Variants in ME1 observed in about 807,000 individuals in gnomAD.
The protein encoded by ME1 is malic enzyme 1, also known as NADP-dependent malic enzyme.
A neutral mutation model predicts 66.4 loss-of-function variants in ME1; 74 were observed. The ratio of observed to expected loss-of-function variants is 1.11; its 90% CI spans 0.92 to 1.35. The LOEUF (loss-of-function observed/expected upper bound fraction) is 1.35. Ranked by LOEUF, ME1 falls within the 40% of genes most tolerant of loss-of-function variation. The probability of loss-of-function intolerance (pLI) is 0.00; values close to 1 mark genes in which losing one functional copy is unlikely to be tolerated. For synonymous variants in ME1, 251 were observed against 235.6 expected (o/e 1.07, Z -0.60); for missense variants, 750 against 694.1 (o/e 1.08, Z -0.90).
chr6:83,316,651 T>C (rs1768036530), intron 5 of ME1, among the ~76,000 whole-genome samples: 2 of 151,748 alleles, frequency 1.3e-5, no homozygotes, highest in South Asian at 4.2e-4. Flanking sequence ...ACACATATAA[T>C]TGTGTACATA....
intron 6 of ME1, among the ~76,000 whole-genome samples, chr6:83,284,573 T>C (rs1767362631): frequency 6.6e-6 from 1 of 151,886 alleles, no homozygotes; most frequent in Admixed American, 6.6e-5. Context: ...ATTCTTGGAA[T>C]ACATAAACAG....
chr6:83,409,737 C>G (rs760443292), intron 1 of ME1, among the ~76,000 whole-genome samples: 23 of 152,148 alleles, frequency 1.5e-4, no homozygotes, highest in Non-Finnish European at 3.2e-4. Flanking sequence ...ATCTTCAGCG[C>G]AAGAAGCAGT....
intron 6 of ME1, among the ~76,000 whole-genome samples, chr6:83,309,616 A>G (rs1767893308): frequency 6.6e-6 from 1 of 152,120 alleles, no homozygotes. Flanking sequence ...TGTGAAGTGG[A>G]GTTTTACCAC....
At chr6:83,340,660 A>T (rs1768561937) in intron 5 of ME1, among the ~76,000 whole-genome samples, 1 of 150,198 alleles carries the variant, frequency 6.7e-6, no homozygotes, top group South Asian at 2.1e-4. Context: ...GAGACTAATT[A>T]GCAATTTCTT....
intron 1 of ME1, among the ~76,000 whole-genome samples, chr6:83,409,367 A>G (rs552105783): frequency 1.3e-5 from 2 of 152,270 alleles, no homozygotes; most frequent in African/African-American, 4.8e-5. Context: ...CTGTCCCTGA[A>G]AGCTTCTTGC....
At chr6:83,360,100 T>C (rs4706986) in intron 3 of ME1, among the ~76,000 whole-genome samples, 1 of 152,160 alleles carries the variant, frequency 6.6e-6, no homozygotes, top group Admixed American at 6.5e-5. Context: ...ATTTGAATTA[T>C]AAAAACAGAG....
intron 3 of ME1, among the ~76,000 whole-genome samples, chr6:83,357,413 T>C (rs1768910954): frequency 6.6e-6 from 1 of 152,180 alleles, no homozygotes; most frequent in Non-Finnish European, 1.5e-5. Context: ...ATTCAACAGG[T>C]TTTAATCTAT....
intron 3 of ME1, among the ~76,000 whole-genome samples, chr6:83,369,722 A>G (rs1769162196): frequency 6.6e-6 from 1 of 151,422 alleles, no homozygotes; most frequent in Non-Finnish European, 1.5e-5. Flanking sequence ...GAAGGAAGGA[A>G]GGAAATAAAT....
chr6:83,263,877 G>A (rs1268907248), intron 6 of ME1, among the ~76,000 whole-genome samples: 1 of 151,992 alleles, frequency 6.6e-6, no homozygotes, highest in African/African-American at 2.4e-5. Context: ...TGATGTAGAA[G>A]CTGCAGCAAG....
intron 5 of ME1, among the ~76,000 whole-genome samples, chr6:83,331,763 T>A (rs1430582344): frequency 6.6e-6 from 1 of 151,990 alleles, no homozygotes; most frequent in Non-Finnish European, 1.5e-5. Context: ...AGAAAATAAA[T>A]TTCTGTCAGT....
intron 9 of ME1, among the ~76,000 whole-genome samples, chr6:83,230,495 T>C (rs998627768): frequency 1.3e-4 from 20 of 152,136 alleles, no homozygotes; most frequent in Non-Finnish European, 8.8e-5. Flanking sequence ...GTAAATGAAA[T>C]GTAATGCATG....
At chr6:83,265,418 TCCCTA>T (rs1766971741) in intron 6 of ME1, among the ~76,000 whole-genome samples, 2 of 152,062 alleles carry the variant, frequency 1.3e-5, no homozygotes, top group African/African-American at 4.8e-5. Context: ...CATTTCAGCC[TCCCTA>T]GTGGCTGGGA....
chr6:83,225,618 T>G (rs1209761563), intron 11 of ME1, among the ~76,000 whole-genome samples: 1 of 152,038 alleles, frequency 6.6e-6, no homozygotes, highest in Non-Finnish European at 1.5e-5. Context: ...AAAAACAAAT[T>G]CTCATCTAGC....
At position 83,242,588 on chromosome 6, in the gene ME1, C is replaced by A. The variant is rs542435792; in HGVS notation, c.815-2952G>T. Among the ~76,000 whole-genome samples the A allele has an allele frequency of 2.6e-5, 4 of 152,196 alleles. No individual in the cohort carries two copies. In the East Asian group the frequency reaches 7.7e-4, roughly 29 times the overall value. On this transcript the variant is annotated intron_variant, in intron 7 of 13. Coordinates refer to ENST00000369705, the MANE Select transcript of ME1 (RefSeq NM_002395.6). The stretch of plus-strand genomic sequence containing the variant: ...AAGAGGACACAATGAGTAGGAAAAG[C>A]ATATGCAAAGACATGAAGGCAGGGA...
intron 11 of ME1, among the ~76,000 whole-genome samples, chr6:83,224,774 T>C (rs1398224219): frequency 6.6e-6 from 1 of 150,630 alleles, no homozygotes; most frequent in Non-Finnish European, 1.5e-5. Flanking sequence ...AACAAACTCA[T>C]TGGCAGGAGT....
At chr6:83,246,069 A>C (rs1790615708) in intron 7 of ME1, among the ~76,000 whole-genome samples, 1 of 152,160 alleles carries the variant, frequency 6.6e-6, no homozygotes, top group African/African-American at 2.4e-5. Flanking sequence ...GTATTTTGTC[A>C]AATAAGTGGT....
chr6:83,303,216 G>C (rs1284805757), intron 6 of ME1, among the ~76,000 whole-genome samples: 1 of 152,114 alleles, frequency 6.6e-6, no homozygotes, highest in Non-Finnish European at 1.5e-5. Flanking sequence ...AGAGAGTTGA[G>C]AACTGGTCTA....
intron 3 of ME1, among the ~76,000 whole-genome samples, chr6:83,359,845 T>C (rs1025079230): frequency 6.6e-6 from 1 of 152,172 alleles, no homozygotes; most frequent in Non-Finnish European, 1.5e-5. Flanking sequence ...GGAACTACAG[T>C]CACTCAACTA....
chr6:83,399,893 A>C (rs957229523), intron 2 of ME1, among the ~76,000 whole-genome samples: 3 of 152,234 alleles, frequency 2.0e-5, no homozygotes, highest in East Asian at 3.8e-4. Context: ...AAACATGTGG[A>C]AGACAAAGAG....
Sources: allele counts gnomAD v4.1 joint callset (sites outside exome capture counted in the v4.1 genomes callset), GRCh38; gene constraint gnomAD v4.1.1; transcripts MANE v1.5; gene names NCBI Gene and HGNC (gene_info 2026-07-23, HGNC 2026-07-21).